The following NUMBL variants were observed in gnomAD, a reference collection of about 807,000 sequenced individuals.
NUMBL encodes NUMB like endocytic adaptor protein.
NUMBL carries 20 observed loss-of-function variants against 48.9 expected under a neutral mutation model. The observed-to-expected ratio is 0.41, with a 90% CI of 0.29 to 0.59. The LOEUF (loss-of-function observed/expected upper bound fraction) is 0.59. Ranked by LOEUF, NUMBL falls within the 20% of genes least tolerant of loss-of-function variation. The probability of loss-of-function intolerance (pLI) is 0.31; values close to 1 mark genes in which losing one functional copy is unlikely to be tolerated. For missense variants in NUMBL, 660 were observed against 846.2 expected, an observed-to-expected ratio of 0.78 and a Z score of 2.73; for synonymous variants, 340 against 348.7, an observed-to-expected ratio of 0.98 and a Z score of 0.28.
intron 7 of NUMBL, among the ~76,000 whole-genome samples, chr19:40,675,582 C>T (rs1293211248): frequency 7.8e-6 from 1 of 128,210 alleles, no homozygotes; most frequent in African/African-American, 3.2e-5. Flanking sequence ...TTTAAACACA[C>T]ACACACACAC....
chr19:40,667,975 C>CTGCTGCTGCTGCTGTTGCTGT lies in NUMBL; in HGVS notation c.1322_1323insACAGCAACAGCAGCAGCAGCA (p.Gln440_Gln446dup). 1 of 1,562,432 alleles carries CTGCTGCTGCTGCTGTTGCTGT rather than the reference C, an allele frequency of 6.4e-7. No individual in the cohort carries two copies. Reference sequence around the variant, plus strand: ...CTGAGGCTGCTTGCTGCTGTTGCTGCTGCTGCTGCTGCTGCTGTTGCTGTT... The same window carrying CTGCTGCTGCTGCTGTTGCTGT: ...CTGAGGCTGCTTGCTGCTGTTGCTGCTGCTGCTGCTGCTGTTGCTGTTGCTGCTGCTGCTGCTGTTGCTGTT... On this transcript the variant is annotated inframe_insertion, in exon 10 of 10. Coordinates refer to ENST00000252891, the MANE Select transcript of NUMBL (RefSeq NM_004756.5). This position sits in a 1 kb window ranked among gnomAD's most constrained non-coding sequence, Gnocchi z 6.1.
intron 2 of NUMBL, chr19:40,684,822 G>A (rs1004201201): frequency 2.2e-6 from 1 of 457,282 alleles, no homozygotes; most frequent in Non-Finnish European, 3.9e-6. Flanking sequence ...GTCTGGGGTG[G>A]GGGGTATGGG....
intron 9 of NUMBL, 114 bp downstream of exon 9, chr19:40,669,784 G>T: frequency 7.3e-7 from 1 of 1,372,562 alleles, no homozygotes; most frequent in South Asian, 1.4e-5. Flanking sequence ...GGTGATCCAT[G>T]GTTCTAAGCC....
rs2081815283 is a variant in NUMBL at position 40,667,365 on chromosome 19, G to A, written c.*103C>T. ...TGAGGGAGGGGGGTGTTGAGAGGGT[G>A]TTGAGGGGCGCAGCCCCAGGGAGCA... On this transcript the variant is annotated 3_prime_UTR_variant, in exon 10 of 10. Transcript: ENST00000252891. The surrounding 1 kb of genome is among the most constrained non-coding windows in gnomAD (Gnocchi z 6.1). The A allele has an allele frequency of 1.3e-6, 2 of 1,484,574 alleles. No individual in the cohort carries two copies. The highest frequency in any genetic ancestry group is 2.8e-5 in the African/African-American group (2 of 71,526). 92.0% of individuals were successfully genotyped at this position (1,484,574 alleles called of 1,614,324 possible).
Position 40,682,783 on chromosome 19 carries a change from T to C in NUMBL, c.344A>G (p.Lys115Arg). The change falls in exon 5 of 10, where the codon AAG becomes AGG. Residue 115 changes from lysine to arginine, a missense_variant. By Grantham distance (26) the Lys-to-Arg change is conservative (BLOSUM62 2). Coordinates refer to ENST00000252891, the MANE Select transcript of NUMBL (RefSeq NM_004756.5). The surrounding 1 kb of genome is among the most constrained non-coding windows in gnomAD (Gnocchi z 4.0). ...ATCGGCTGACACCCACAGGACAGACTTCACGGACTTTCGGCCCATCTGGAG... is the reference window on the plus strand; with the variant it reads ...ATCGGCTGACACCCACAGGACAGACCTCACGGACTTTCGGCCCATCTGGAG... ...KLKAMGRKSV[K>R]SVLWVSADGL... The C allele has an allele frequency of 6.2e-7, 1 of 1,614,204 alleles. No homozygotes were observed. Among genetic ancestry groups the C allele is most frequent in the Non-Finnish European group, 8.5e-7 (1 of 1,180,042 alleles).
chr19:40,669,872 C>A, intron 9 of NUMBL, 26 bp downstream of exon 9: 2 of 1,608,930 alleles, frequency 1.2e-6, no homozygotes, highest in South Asian at 1.1e-5. Flanking sequence ...TGCAGGGTGT[C>A]TGCCCAGCAG....
rs984528086 is a variant in NUMBL, at chr19:40,687,588, C to T, written c.25-593G>A. Reference sequence around the variant, plus strand: ...TGAAATTTGGTCACTTCCACATTCTCAGCCACATACAAAGAACGGGGCCCA... The same window carrying T: ...TGAAATTTGGTCACTTCCACATTCTTAGCCACATACAAAGAACGGGGCCCA... On this transcript the variant is annotated intron_variant, in intron 1 of 9. Coordinates refer to ENST00000252891, the MANE Select transcript of NUMBL (RefSeq NM_004756.5). The surrounding 1 kb of genome is among the most constrained non-coding windows in gnomAD (Gnocchi z 4.6). Among the ~76,000 whole-genome samples the T allele has an allele frequency of 7.2e-5, 11 of 152,166 alleles. No individual in the cohort carries two copies. The highest frequency in any genetic ancestry group is 1.7e-4 in the African/African-American group (7 of 41,414).
intron 2 of NUMBL, 101 bp downstream of exon 2, chr19:40,686,810 G>A: frequency 1.3e-6 from 1 of 755,056 alleles, no homozygotes; most frequent in Non-Finnish European, 2.3e-6. Context: ...CCACTCATGA[G>A]TGTGATTAAG....
chr19:40,674,118 A>G (rs2081862718), intron 7 of NUMBL, among the ~76,000 whole-genome samples: 1 of 152,138 alleles, frequency 6.6e-6, no homozygotes, highest in Non-Finnish European at 1.5e-5. Context: ...GCCCAGTGTG[A>G]TGTGCCCAAG....
intron 8 of NUMBL, among the ~76,000 whole-genome samples, chr19:40,670,895 C>T (rs1243415979): frequency 6.6e-6 from 1 of 152,150 alleles, no homozygotes; most frequent in Non-Finnish European, 1.5e-5. Flanking sequence ...TGGATCTGCA[C>T]ATGTGGCTTT....
In NUMBL at chr19:40,688,837, TACAC is replaced by T. The variant is rs1472130946; in HGVS notation, c.24+1619_24+1622del. Among the ~76,000 whole-genome samples, 4 of 152,242 alleles carry T rather than the reference TACAC, an allele frequency of 2.6e-5. No homozygotes were observed. Among genetic ancestry groups the T allele is most frequent in the Admixed American group, 6.5e-5 (1 of 15,302 alleles). On this transcript the variant is annotated intron_variant, in intron 1 of 9. Coordinates refer to ENST00000252891, the MANE Select transcript of NUMBL (RefSeq NM_004756.5). The surrounding 1 kb of genome is among the most constrained non-coding windows in gnomAD (Gnocchi z 4.6). Reference sequence around the variant, plus strand: ...CAAATCACACATGCAAGGCTAGAAATACACACAATCACTCGTTATCACACACACT... The same window carrying T: ...CAAATCACACATGCAAGGCTAGAAATACAATCACTCGTTATCACACACACT...
Position 40,690,477 on chromosome 19 carries a change from G to A in NUMBL, c.7C>T (p.Arg3Cys), listed in dbSNP as rs1393408445. The A allele has an allele frequency of 4.4e-5, 57 of 1,305,876 alleles. No individual in the cohort carries two copies. The East Asian group carries it at 1.8e-3, about 41-fold the overall frequency. The allele number at this position is 1,305,876 out of a possible 1,614,324, so 80.9% of individuals were successfully genotyped here. A position where few individuals can be genotyped will look rare whatever the true frequency, so the allele number is the denominator to read the frequency against. ...CTTCTCACGCTGGCCGCCGCGCTGC[G>A]GGACATCCAGGGCCCGGGCGCCCCC... is the stretch of plus-strand genomic sequence containing the variant. MS[R>C]SAAASGGPRR... The change falls in exon 1 of 10, where the codon CGC (arginine) becomes TGC (cysteine). Residue 3 changes from arginine (R) to cysteine (C), a missense_variant. Coordinates refer to ENST00000252891, the MANE Select transcript of NUMBL (RefSeq NM_004756.5).
intron 6 of NUMBL, among the ~76,000 whole-genome samples, chr19:40,678,790 A>T (rs2081890831): frequency 6.6e-6 from 1 of 152,220 alleles, no homozygotes; most frequent in Non-Finnish European, 1.5e-5. Flanking sequence ...AATGCCTACA[A>T]ATTTGACATA....
intron 9 of NUMBL, among the ~76,000 whole-genome samples, chr19:40,668,364 G>C (rs1020731250): frequency 2.0e-5 from 3 of 152,176 alleles, no homozygotes; most frequent in Non-Finnish European, 2.9e-5. Flanking sequence ...ACAATTCTGA[G>C]CTTCTAAGGC....
At chr19:40,670,171 CAT>C in intron 8 of NUMBL, 151 bp from the exon 9 acceptor site, 1 of 892,752 alleles carries the variant, frequency 1.1e-6, no homozygotes, top group Non-Finnish European at 1.6e-6. Flanking sequence ...AATAACTGTG[CAT>C]ATGTGTGTGT....
At chr19:40,676,780 T>C (rs535783515) in intron 7 of NUMBL, among the ~76,000 whole-genome samples, 4 of 152,178 alleles carry the variant, frequency 2.6e-5, no homozygotes, top group South Asian at 4.1e-4. Context: ...CCTTAGAATA[T>C]TGCCCAGAGA....
chr19:40,670,159 C>A, intron 8 of NUMBL, 139 bp from the exon 9 acceptor site: 1 of 999,888 alleles, frequency 1.0e-6, no homozygotes, highest in African/African-American at 1.6e-5. Context: ...CCATGACCGC[C>A]AAATAACTGT....
Position 40,687,751 on chromosome 19 carries a change from C to A in NUMBL, c.25-756G>T, listed in dbSNP as rs1239339290. ...GAGTTCACCCATTTGCTGACCCAGT[C>A]CCACACGACACAATCGCAGCTATAT... On this transcript the variant is annotated intron_variant, in intron 1 of 9. Transcript: ENST00000252891. This position sits in a 1 kb window ranked among gnomAD's most constrained non-coding sequence, Gnocchi z 4.6. Among the ~76,000 whole-genome samples the A allele has an allele frequency of 1.3e-5, 2 of 152,220 alleles. No individual in the cohort carries two copies. The highest frequency in any genetic ancestry group is 4.8e-5 in the African/African-American group (2 of 41,436).
rs1268756207 is a variant in NUMBL at position 40,673,698 on chromosome 19, A to G, written c.731-49T>C. 52 of 1,429,140 alleles carry G rather than the reference A, an allele frequency of 3.6e-5. No individual in the cohort carries two copies. Among genetic ancestry groups the G allele is most frequent in the Non-Finnish European group, 4.8e-5 (52 of 1,085,768 alleles). The allele number at this position is 1,429,140 out of a possible 1,614,324, so 88.5% of individuals were successfully genotyped here. A position where few individuals can be genotyped will look rare whatever the true frequency, so the allele number is the denominator to read the frequency against. ...GGTTAGATATCTCACCATGGCATGC[A>G]AGGCCTCTCCCACCTGGTTCTCTTG... On this transcript the variant is annotated intron_variant, in intron 7 of 9. Coordinates refer to ENST00000252891, the MANE Select transcript of NUMBL (RefSeq NM_004756.5). The surrounding 1 kb of genome is among the most constrained non-coding windows in gnomAD (Gnocchi z 5.9).
Sources: allele counts gnomAD v4.1 joint callset (sites outside exome capture counted in the v4.1 genomes callset), GRCh38; gene constraint gnomAD v4.1.1; non-coding constraint Gnocchi (gnomAD v3.1); transcripts MANE v1.5; gene names NCBI Gene and HGNC (gene_info 2026-07-23, HGNC 2026-07-21).